Variants in SERINC2 observed in about 807,000 individuals in gnomAD.
The protein encoded by SERINC2 is serine incorporator 2, also known as tumor differentially expressed protein 2.
In SERINC2, 56 loss-of-function variants were observed where a neutral mutation model predicts 54.2. The ratio of observed to expected loss-of-function variants is 1.03; its 90% confidence interval spans 0.83 to 1.29. The LOEUF (loss-of-function observed/expected upper bound fraction) is 1.29. Ranked by LOEUF, SERINC2 falls within the 50% of genes most tolerant of loss-of-function variation. The probability of loss-of-function intolerance (pLI) is 0.00; values close to 1 mark genes in which losing one functional copy is unlikely to be tolerated. For missense variants in SERINC2, 614 were observed against 607.4 expected, an observed-to-expected ratio of 1.01 and a Z score of -0.12; for synonymous variants, 272 against 253.1, an observed-to-expected ratio of 1.07 and a Z score of -0.71.
chr1:31,426,592 T>G, intron 5 of SERINC2, 62 bp from the exon 6 acceptor site: 1 of 1,402,702 alleles, frequency 7.1e-7, no homozygotes, highest in Non-Finnish European at 9.8e-7. Flanking sequence ...CTCGAGGGAG[T>G]AGGGATCCCT....
At chr1:31,410,157 T>TG (rs1249311972), upstream of SERINC2, 5 of 1,425,648 alleles carry the variant, frequency 3.5e-6, no homozygotes, top group Admixed American at 1.2e-4. Context: ...AGGCTCAGAG[T>TG]GGTTGGGTGA....
At chr1:31,412,368 G>A (rs1205172193), upstream of SERINC2, among the ~76,000 whole-genome samples, 3 of 152,108 alleles carry the variant, frequency 2.0e-5, no homozygotes, top group Non-Finnish European at 2.9e-5. Flanking sequence ...ACCAGTTTGG[G>A]CATCCCTAGG....
chr1:31,433,295 G>A lies in SERINC2; in HGVS notation c.1232+110G>A, dbSNP rs1273195966. 7.6e-6 allele frequency: 7 copies of A among 916,840 alleles called. No individual in the cohort carries two copies. The Admixed American group carries it at 7.9e-5, about 10-fold the overall frequency. 56.8% of individuals were successfully genotyped at this position (916,840 alleles called of 1,614,324 possible). On this transcript the variant is annotated intron_variant, in intron 9 of 9. Coordinates refer to ENST00000373709, the MANE Select transcript of SERINC2 (RefSeq NM_178865.5). ...TCCTGATGTCTGCTTAAGGCTTGGG[G>A]GTGGCGGTGTGTATCAAGGACCCTC...
rs1018640081 is a variant in SERINC2 at position 31,425,867 on chromosome 1, G to A, written c.564G>A (p.Arg188=). Residue 188 remains arginine (R), a synonymous_variant, in exon 5 of 10, where the codon CGG becomes CGA. Transcript: ENST00000373709. ...LIDFAHSWNQ[R]WLGKAEECDS... is the part of the protein sequence containing the mutation. The stretch of plus-strand genomic sequence containing the variant: ...ACTTTGCGCACTCCTGGAACCAGCG[G>A]TGGCTGGGCAAGGCCGAGGAGTGCG... The A allele has an allele frequency of 6.2e-7, 1 of 1,613,470 alleles. No individual in the cohort carries two copies. Among genetic ancestry groups the A allele is most frequent in the Non-Finnish European group, 8.5e-7 (1 of 1,179,956 alleles).
intron 1 of SERINC2, among the ~76,000 whole-genome samples, chr1:31,422,111 C>T (rs1453890571): frequency 6.6e-6 from 1 of 152,028 alleles, no homozygotes; most frequent in Non-Finnish European, 1.5e-5. Context: ...CCAGTCTGGG[C>T]AACGTGGTGA....
intron 8 of SERINC2, 87 bp from the exon 9 acceptor site, chr1:31,432,880 G>A (rs1053930888): frequency 5.7e-5 from 59 of 1,043,302 alleles, no homozygotes; most frequent in Admixed American, 1.3e-4. Flanking sequence ...CGGGTCGCTG[G>A]CCTCTGAGGC....
chr1:31,425,429 G>A lies in SERINC2; in HGVS notation c.472+20G>A. On this transcript the variant is annotated intron_variant, in intron 4 of 9. Transcript: ENST00000373709. The stretch of plus-strand genomic sequence containing the variant: ...CCAACAGTAGGCGGACTTGGCAGGA[G>A]GCATGGGGGGCTGTGGGGAGGGAAG... 1.3e-6 allele frequency: 2 copies of A among 1,558,322 alleles called. No individual in the cohort carries two copies. Among genetic ancestry groups the A allele is most frequent in the South Asian group, 1.1e-5 (1 of 90,054 alleles).
upstream of SERINC2, chr1:31,409,950 C>T (rs1640621935): frequency 8.6e-7 from 1 of 1,159,312 alleles, no homozygotes; most frequent in Middle Eastern, 2.6e-4. Context: ...CCAGTGAGAT[C>T]AGATTAGAGA....
rs1234047098 is a variant in SERINC2, at chr1:31,413,568, C to T, written c.39+264C>T. On this transcript the variant is annotated intron_variant, in intron 1 of 9. Transcript: ENST00000373709. The surrounding 1 kb of genome is among the most constrained non-coding windows in gnomAD (Gnocchi z 5.0). ...GTTTCCGCGGGCAGGAGGGGAGTGCCCTCGGCGGGCGCCCTCCTGGGACCT... is the reference window on the plus strand; with the variant it reads ...GTTTCCGCGGGCAGGAGGGGAGTGCTCTCGGCGGGCGCCCTCCTGGGACCT... 1.3e-5 allele frequency among the ~76,000 whole-genome samples: 2 copies of T among 151,862 alleles called. No individual in the cohort carries two copies. The highest frequency in any genetic ancestry group is 3.9e-4 in the East Asian group (2 of 5,076).
chr1:31,421,948 G>A (rs1640911150), intron 1 of SERINC2, among the ~76,000 whole-genome samples: 1 of 152,096 alleles, frequency 6.6e-6, no homozygotes, highest in South Asian at 2.1e-4. Flanking sequence ...CCTCCCTTTG[G>A]TCTGGCAGTG....
chr1:31,421,685 C>G (rs1466912613), intron 1 of SERINC2, among the ~76,000 whole-genome samples: 1 of 152,192 alleles, frequency 6.6e-6, no homozygotes, highest in Non-Finnish European at 1.5e-5. Flanking sequence ...CCAGCCTGCT[C>G]TTTTCAAAGC....
At chr1:31,410,476 C>T (rs531269952), upstream of SERINC2, 28 of 1,548,692 alleles carry the variant, frequency 1.8e-5, no homozygotes, top group East Asian at 2.4e-5. Context: ...AGAGCCCAGC[C>T]GGCCTTGGTC....
At chr1:31,429,090 A>G (rs781934329) in intron 7 of SERINC2, 22 bp downstream of exon 7, 12 of 1,594,788 alleles carry the variant, frequency 7.5e-6, no homozygotes, top group Non-Finnish European at 1.0e-5. Flanking sequence ...CCCAGGCTCA[A>G]GGAGGCCTGG....
chr1:31,432,015 G>C (rs1570067673), intron 8 of SERINC2, among the ~76,000 whole-genome samples: 1 of 122,808 alleles, frequency 8.1e-6, no homozygotes, highest in African/African-American at 3.5e-5. Flanking sequence ...GGGTGGATAG[G>C]GTGGACAGGG....
chr1:31,413,259 C>A lies in SERINC2; in HGVS notation c.-7C>A. The stretch of plus-strand genomic sequence containing the variant: ...GCGCCGGGCGCCCGAAGCCGGGAGC[C>A]GCCGCCATGGGGGCCTGCCTGGGAG... On this transcript the variant is annotated 5_prime_UTR_variant, in exon 1 of 10. Coordinates refer to ENST00000373709, the MANE Select transcript of SERINC2 (RefSeq NM_178865.5). The surrounding 1 kb of genome is among the most constrained non-coding windows in gnomAD (Gnocchi z 5.0). The A allele has an allele frequency of 1.6e-6, 2 of 1,223,722 alleles. No homozygotes were observed. Among genetic ancestry groups the A allele is most frequent in the Non-Finnish European group, 1.0e-6 (1 of 982,604 alleles). The allele number at this position is 1,223,722 out of a possible 1,614,324, so 75.8% of individuals were successfully genotyped here.
rs1557501138 is a variant in SERINC2, at chr1:31,432,092, ACAGGG to A, written c.1014-874_1014-870del. Among the ~76,000 whole-genome samples the A allele has an allele frequency of 1.4e-3, 152 of 110,220 alleles. 9 individuals carry two copies. Among genetic ancestry groups the A allele is most frequent in the Non-Finnish European group, 1.5e-3 (86 of 55,724 alleles). 72.3% of individuals were successfully genotyped at this position (110,220 alleles called of 152,430 possible). On this transcript the variant is annotated intron_variant, in intron 8 of 9. Coordinates refer to ENST00000373709, the MANE Select transcript of SERINC2 (RefSeq NM_178865.5). ...AGGGTGGACAGGGTGGTTAGGGTGG[ACAGGG>A]TGGACAGGGTGGATAGGGTGGTTAG...
chr1:31,431,890 G>A (rs868910010), intron 8 of SERINC2, among the ~76,000 whole-genome samples: 11 of 145,684 alleles, frequency 7.6e-5, no homozygotes, highest in East Asian at 2.0e-4. Flanking sequence ...GGTGGACAGG[G>A]TGGATAGGGT....
At chr1:31,416,095 C>T (rs1640774597) in intron 1 of SERINC2, among the ~76,000 whole-genome samples, 1 of 152,210 alleles carries the variant, frequency 6.6e-6, no homozygotes, top group Non-Finnish European at 1.5e-5. Context: ...CTTCGCATCT[C>T]TGTGACTGTG....
Position 31,433,204 on chromosome 1 carries a change from A to C in SERINC2, c.1232+19A>C, listed in dbSNP as rs1392614591. ...GGTACAAGTGCGTAGCTGGTGGGGC[A>C]TGGACAGAGCCCGGAGGTGCAGGGT... On this transcript the variant is annotated intron_variant, in intron 9 of 9. Coordinates refer to ENST00000373709, the MANE Select transcript of SERINC2 (RefSeq NM_178865.5). 3.1e-6 allele frequency: 5 copies of C among 1,605,236 alleles called. No homozygotes were observed. The highest frequency in any genetic ancestry group is 1.1e-5 in the South Asian group (1 of 90,950).
Sources: gnomAD v4.1 joint callset for allele counts (sites outside exome capture counted in the v4.1 genomes callset) on GRCh38, gnomAD v4.1.1 for gene constraint, Gnocchi (gnomAD v3.1) non-coding constraint, MANE v1.5 for transcripts, NCBI Gene and HGNC (gene_info 2026-07-23, HGNC 2026-07-21) for gene names.